ARHGEF3: variants seen among roughly 807,000 people sequenced by gnomAD.
ARHGEF3 encodes 59.8 kDA protein.
A neutral mutation model predicts 63.2 loss-of-function variants in ARHGEF3; 28 were observed. The ratio of observed to expected loss-of-function variants is 0.44; its 90% CI spans 0.33 to 0.61. ARHGEF3 has a LOEUF of 0.61. ARHGEF3 is among the 20% of genes least tolerant of loss of function. The pLI is 0.03. For synonymous variants in ARHGEF3, 266 were observed against 254.2 expected (o/e 1.05, Z -0.44); for missense variants, 533 against 659.3 (o/e 0.81, Z 2.10).
At chr3:56,746,506 C>T (rs913915531) in intron 6 of ARHGEF3, among the ~76,000 whole-genome samples, 2 of 152,088 alleles carry the variant, frequency 1.3e-5, no homozygotes, top group Admixed American at 6.5e-5. Flanking sequence ...CCGGGGCAGG[C>T]GGATCACGAG....
upstream of ARHGEF3, among the ~76,000 whole-genome samples, chr3:56,805,686 A>G (rs1195785535): frequency 6.6e-6 from 1 of 152,250 alleles, no homozygotes; most frequent in Non-Finnish European, 1.5e-5. Flanking sequence ...ATAAAAATCA[A>G]TAAATACACA....
intron 3 of ARHGEF3, among the ~76,000 whole-genome samples, chr3:56,897,294 C>A (rs942999298): frequency 4.6e-5 from 7 of 152,164 alleles, no homozygotes; most frequent in African/African-American, 1.7e-4. Context: ...TCTTAGGGCA[C>A]TTCATTACTT....
chr3:56,969,402 A>C (rs1316229761), intron 2 of ARHGEF3, among the ~76,000 whole-genome samples: 10 of 113,800 alleles, frequency 8.8e-5, no homozygotes, highest in East Asian at 3.4e-4. Flanking sequence ...ATCAATAAGA[A>C]TTTTTCATAT....
intron 4 of ARHGEF3, among the ~76,000 whole-genome samples, chr3:56,835,729 T>G (rs1364084448): frequency 6.6e-6 from 1 of 152,070 alleles, no homozygotes. Context: ...CTCTCCCCCT[T>G]TTCATACGAC....
chr3:56,797,927 G>C (rs562270965), intron 1 of ARHGEF3, among the ~76,000 whole-genome samples: 1 of 152,338 alleles, frequency 6.6e-6, no homozygotes, highest in South Asian at 2.1e-4. Context: ...ATGCTGGACG[G>C]AATCCATCAG....
At position 56,876,001 on chromosome 3, in the gene ARHGEF3, T is replaced by G. The variant is rs573304907; in HGVS notation, c.192+6291A>C. Among the ~76,000 whole-genome samples the G allele has an allele frequency of 3.3e-5, 5 of 151,924 alleles. No individual in the cohort carries two copies. In the East Asian group the frequency reaches 9.7e-4, roughly 29 times the overall value. On this transcript the variant is annotated intron_variant, in intron 4 of 12. Coordinates refer to the ARHGEF3 transcript ENST00000338458. ...AGAGGTATAAAGGAATCCTGGGAAG[T>G]CTGGGAGCTTCTTAGAGGAGAGCTA...
chr3:56,782,114 GATA>G (rs765501926), intron 1 of ARHGEF3, among the ~76,000 whole-genome samples: 9 of 152,296 alleles, frequency 5.9e-5, no homozygotes, highest in Non-Finnish European at 1.3e-4. Context: ...AATAGAAAAA[GATA>G]ATAATAATGA....
At chr3:57,074,153 C>T (rs199637710) in intron 1 of ARHGEF3, 102 of 1,614,104 alleles carry the variant, frequency 6.3e-5, no homozygotes, top group South Asian at 4.1e-4. Context: ...ATATAGATGC[C>T]GAGCCCAGTA....
intron 2 of ARHGEF3, among the ~76,000 whole-genome samples, chr3:56,967,030 A>C (rs911499312): frequency 6.7e-6 from 1 of 149,310 alleles, no homozygotes; most frequent in Non-Finnish European, 1.5e-5. Context: ...TGCCCGGCTA[A>C]TTTTGTATTT....
intron 4 of ARHGEF3, among the ~76,000 whole-genome samples, chr3:56,830,318 C>T (rs544746080): frequency 3.9e-5 from 6 of 152,048 alleles, no homozygotes; most frequent in Non-Finnish European, 2.9e-5. Flanking sequence ...ATACTACAAC[C>T]TTGGCCCGTG....
chr3:56,981,153 C>T (rs535042223), intron 2 of ARHGEF3, among the ~76,000 whole-genome samples: 1 of 152,294 alleles, frequency 6.6e-6, no homozygotes, highest in Non-Finnish European at 1.5e-5. Flanking sequence ...TAAGATATAA[C>T]CATTAAAACA....
chr3:57,017,032 T>TCTCTCTCTCTCTCTCTCTCACA, intron 2 of ARHGEF3, among the ~76,000 whole-genome samples: 1 of 104,392 alleles, frequency 9.6e-6, no homozygotes, highest in African/African-American at 3.5e-5. Flanking sequence ...TCTCTCTCTC[T>TCTCTCTCTCTCTCTCTCTCACA]CACACACACA....
At chr3:57,078,857 C>T (rs1160625053) in intron 1 of ARHGEF3, 3 of 185,842 alleles carry the variant, frequency 1.6e-5, no homozygotes, top group Non-Finnish European at 3.3e-5. Flanking sequence ...GCACCTCCCT[C>T]CCCGGAAGTG....
At position 56,973,875 on chromosome 3, in the gene ARHGEF3, AT is replaced by A. The variant is rs921177049; in HGVS notation, c.63-14987del. On this transcript the variant is annotated intron_variant, in intron 2 of 12. Transcript: ENST00000338458. ...TGGTCAGTCCACCGAAGTCATTAAA[AT>A]ATGAGCTCCAACCAGACTAGGCAAG... Among the ~76,000 whole-genome samples the A allele has an allele frequency of 8.5e-5, 13 of 152,346 alleles. No individual in the cohort carries two copies. The South Asian group carries it at 1.4e-3, about 17-fold the overall frequency.
At chr3:56,729,758 G>A (rs1578346533) in intron 9 of ARHGEF3, 136 bp from the exon 10 acceptor site, 2 of 719,466 alleles carry the variant, frequency 2.8e-6, no homozygotes, top group East Asian at 5.4e-5. Flanking sequence ...CCACTGATCT[G>A]GGGCATGGCT....
intron 2 of ARHGEF3, among the ~76,000 whole-genome samples, chr3:57,008,781 T>G (rs1424897701): frequency 6.6e-6 from 1 of 152,196 alleles, no homozygotes; most frequent in Admixed American, 6.5e-5. Flanking sequence ...CCTGTCATTT[T>G]TCTCTGGACC....
intron 2 of ARHGEF3, among the ~76,000 whole-genome samples, chr3:57,015,681 A>G (rs1247166208): frequency 6.7e-6 from 1 of 148,386 alleles, no homozygotes; most frequent in African/African-American, 2.5e-5. Context: ...GGCTCAAGTG[A>G]TCCTCTTGCC....
intron 1 of ARHGEF3, among the ~76,000 whole-genome samples, chr3:56,794,798 GTTT>G (rs935600491): frequency 1.3e-5 from 2 of 151,884 alleles, no homozygotes; most frequent in African/African-American, 2.4e-5. Context: ...ATCCTGTATT[GTTT>G]TTTATTTGTA....
chr3:57,004,660 C>T (rs1702400275), intron 2 of ARHGEF3, among the ~76,000 whole-genome samples: 1 of 152,236 alleles, frequency 6.6e-6, no homozygotes, highest in African/African-American at 2.4e-5. Context: ...GATTTCATTA[C>T]ATGCCTAGAC....
Sources: allele counts gnomAD v4.1 joint callset (sites outside exome capture counted in the v4.1 genomes callset), GRCh38; gene constraint gnomAD v4.1.1; transcripts MANE v1.5; gene names NCBI Gene and HGNC (gene_info 2026-07-23, HGNC 2026-07-21).